The following CSRNP3 variants were observed in gnomAD, a reference collection of about 807,000 sequenced individuals.
The protein encoded by CSRNP3 is cysteine and serine rich nuclear protein 3.
A neutral mutation model predicts 48.0 loss-of-function variants in CSRNP3; 12 were observed. The ratio of observed to expected loss-of-function variants is 0.25; its 90% CI spans 0.16 to 0.41. CSRNP3 has a LOEUF of 0.41. Ranked by LOEUF, CSRNP3 falls within the 10% of genes least tolerant of loss-of-function variation. The probability of loss-of-function intolerance (pLI) is 1.00; values close to 1 mark genes in which losing one functional copy is unlikely to be tolerated. For missense variants in CSRNP3, 580 were observed against 724.4 expected (o/e 0.80, Z 2.29); for synonymous variants, 263 against 269.7 (o/e 0.98, Z 0.24).
At chr2:165,574,744 T>C (rs1685421509) in intron 3 of CSRNP3, among the ~76,000 whole-genome samples, 1 of 152,154 alleles carries the variant, frequency 6.6e-6, no homozygotes, top group African/African-American at 2.4e-5. Context: ...CTTACAACTT[T>C]TAGAGGATTT....
intron 2 of CSRNP3, among the ~76,000 whole-genome samples, chr2:165,506,209 G>C (rs796606033): frequency 1.3e-5 from 2 of 152,076 alleles, no homozygotes; most frequent in African/African-American, 4.8e-5. Context: ...AGACAAGAAG[G>C]CATCTCTTCC....
intron 3 of CSRNP3, among the ~76,000 whole-genome samples, chr2:165,525,974 T>G (rs1244246745): frequency 6.6e-6 from 1 of 152,248 alleles, no homozygotes; most frequent in African/African-American, 2.4e-5. Flanking sequence ...ATCCAATAGT[T>G]TCATCACTTT....
intron 1 of CSRNP3, among the ~76,000 whole-genome samples, chr2:165,486,562 A>G (rs13004612): frequency 4.8e-4 from 49 of 102,782 alleles, no homozygotes; most frequent in Admixed American, 1.0e-3. Flanking sequence ...AGCTTTGAAG[A>G]GAGCAGTGGT....
intron 4 of CSRNP3, among the ~76,000 whole-genome samples, chr2:165,647,639 C>A (rs1558961172): frequency 6.6e-6 from 1 of 152,148 alleles, no homozygotes; most frequent in Non-Finnish European, 1.5e-5. Context: ...GTTGGACTTA[C>A]ATTTTTTGAT....
chr2:165,532,361 A>G (rs2105244757), intron 3 of CSRNP3, among the ~76,000 whole-genome samples: 2 of 152,236 alleles, frequency 1.3e-5, no homozygotes, highest in East Asian at 3.9e-4. Context: ...CTTATCCACC[A>G]TGATCAAGTG....
chr2:165,621,226 T>C (rs1432298621), intron 4 of CSRNP3, among the ~76,000 whole-genome samples: 1 of 152,076 alleles, frequency 6.6e-6, no homozygotes, highest in East Asian at 1.9e-4. Context: ...CAGATGTTCT[T>C]GGCAGCTTTT....
intron 4 of CSRNP3, among the ~76,000 whole-genome samples, chr2:165,599,273 A>AAGAG (rs746283268): frequency 9.6e-4 from 66 of 69,040 alleles, no homozygotes; most frequent in Admixed American, 1.2e-3. Flanking sequence ...AAAAGAAAGA[A>AAGAG]AGAGAGAGAG....
chr2:165,486,093 G>C (rs1002325147), intron 1 of CSRNP3, among the ~76,000 whole-genome samples: 1 of 152,302 alleles, frequency 6.6e-6, no homozygotes, highest in Middle Eastern at 3.4e-3. Flanking sequence ...TGCGCGCACC[G>C]TGCGCGAGCC....
chr2:165,675,475 A>C (rs544211158), intron 5 of CSRNP3, among the ~76,000 whole-genome samples: 1 of 152,332 alleles, frequency 6.6e-6, no homozygotes, highest in South Asian at 2.1e-4. Context: ...GTGATACAAT[A>C]GTAAGAAATG....
intron 4 of CSRNP3, among the ~76,000 whole-genome samples, chr2:165,623,462 G>A (rs932432088): frequency 6.6e-6 from 1 of 152,150 alleles, no homozygotes; most frequent in Non-Finnish European, 1.5e-5. Flanking sequence ...CCAGTCCGTG[G>A]AAAAATTGTC....
chr2:165,599,293 G>GAAAGAAAGAAAGA (rs1685865424), intron 4 of CSRNP3, among the ~76,000 whole-genome samples: 2 of 99,438 alleles, frequency 2.0e-5, no homozygotes, highest in Non-Finnish European at 4.8e-5. Context: ...GAGAAAGAAA[G>GAAAGAAAGAAAGA]AAAGAAAGAA....
chr2:165,670,536 A>G, intron 5 of CSRNP3, among the ~76,000 whole-genome samples: 1 of 152,234 alleles, frequency 6.6e-6, no homozygotes, highest in Non-Finnish European at 1.5e-5. Context: ...AACTTGATGC[A>G]CATCCTCATT....
intron 1 of CSRNP3, among the ~76,000 whole-genome samples, chr2:165,477,648 G>A (rs913267756): frequency 4.1e-5 from 6 of 145,978 alleles, no homozygotes; most frequent in Non-Finnish European, 9.0e-5. Context: ...CAGCCTGGGC[G>A]ACAGAGCCAG....
Position 165,630,839 on chromosome 2 carries a change from G to A in CSRNP3, c.149-26922G>A, listed in dbSNP as rs1421632025. 5.3e-5 allele frequency among the ~76,000 whole-genome samples: 8 copies of A among 152,238 alleles called. No individual in the cohort carries two copies. The South Asian group carries it at 1.0e-3, about 20-fold the overall frequency. On this transcript the variant is annotated intron_variant, in intron 4 of 6. Coordinates refer to ENST00000651982, the MANE Select transcript of CSRNP3 (RefSeq NM_001172173.2). ...AGTTCTTTGATTATTCAGAGTTAGT[G>A]GAGCAAAAGTCTATTGCCTTCATTT...
chr2:165,552,825 G>C (rs185491277), intron 3 of CSRNP3, among the ~76,000 whole-genome samples: 1 of 152,088 alleles, frequency 6.6e-6, no homozygotes, highest in East Asian at 1.9e-4. Flanking sequence ...CTCCCAAGTA[G>C]CTGGGACTAC....
At chr2:165,511,021 T>A (rs1440799747) in intron 2 of CSRNP3, among the ~76,000 whole-genome samples, 1 of 152,154 alleles carries the variant, frequency 6.6e-6, no homozygotes, top group Non-Finnish European at 1.5e-5. Context: ...GGAAATAAAC[T>A]AGGATTGTGT....
At chr2:165,601,193 A>T (rs1055160602) in intron 4 of CSRNP3, among the ~76,000 whole-genome samples, 4 of 152,182 alleles carry the variant, frequency 2.6e-5, no homozygotes, top group African/African-American at 9.7e-5. Context: ...ATGGCTCTAT[A>T]GCCAATCAGC....
chr2:165,678,755 G>A lies in CSRNP3; in HGVS notation c.760G>A (p.Ala254Thr), dbSNP rs1442364066. Reference protein sequence around the residue: ...GCTKEGCSNTAGRIEFNPIRV... With the variant: ...GCTKEGCSNTTGRIEFNPIRV... Reference sequence around the variant, plus strand: ...CACTAAAGAAGGATGTAGTAACACAGCAGGTAGAATTGAATTTAATCCTAT... The same window carrying A: ...CACTAAAGAAGGATGTAGTAACACAACAGGTAGAATTGAATTTAATCCTAT... The change falls in exon 7 of 7, where the codon GCA (alanine) becomes ACA (threonine). Residue 254 changes from alanine to threonine, a missense_variant. Transcript: ENST00000651982. 6.2e-7 allele frequency: 1 copy of A among 1,614,080 alleles called. No individual in the cohort carries two copies. Among genetic ancestry groups the A allele is most frequent in the East Asian group, 2.2e-5 (1 of 44,840 alleles).
At position 165,642,975 on chromosome 2, in the gene CSRNP3, A is replaced by T. The variant is rs1317187034; in HGVS notation, c.149-14786A>T. Among the ~76,000 whole-genome samples the T allele has an allele frequency of 2.0e-5, 3 of 152,226 alleles. No homozygotes were observed. The East Asian group carries it at 5.8e-4, about 29-fold the overall frequency. ...TGCAGGAAAAAGAGAAGGGAGAAAG[A>T]GAGAAAGAAAGAGAGATAGAGAGAA... On this transcript the variant is annotated intron_variant, in intron 4 of 6. Transcript: ENST00000651982.
Sources: gnomAD v4.1 joint callset for allele counts (sites outside exome capture counted in the v4.1 genomes callset) on GRCh38, gnomAD v4.1.1 for gene constraint, MANE v1.5 for transcripts, NCBI Gene and HGNC (gene_info 2026-07-23, HGNC 2026-07-21) for gene names.